Variants in HSPBAP1 observed in about 807,000 individuals in gnomAD.
HSPBAP1 encodes HSPB1-associated protein 1.
In HSPBAP1, 27 loss-of-function variants were observed where a neutral mutation model predicts 45.2. The observed-to-expected ratio is 0.60, with a 90% CI of 0.44 to 0.82. The LOEUF (loss-of-function observed/expected upper bound fraction) is 0.82. HSPBAP1 is among the 40% of genes least tolerant of loss of function. The pLI, the probability that HSPBAP1 is intolerant of heterozygous loss-of-function variation, is 0.00. For missense variants in HSPBAP1, 510 were observed against 590.9 expected (o/e 0.86, Z 1.42); for synonymous variants, 204 against 202.7 (o/e 1.01, Z -0.06).
At chr3:122,762,925 T>G (rs1934650642) in intron 3 of HSPBAP1, among the ~76,000 whole-genome samples, 1 of 152,212 alleles carries the variant, frequency 6.6e-6, no homozygotes, top group Non-Finnish European at 1.5e-5. Flanking sequence ...TTTCTGTATA[T>G]TTGTTTTACC....
At chr3:122,760,889 G>A (rs1934559248) in intron 3 of HSPBAP1, among the ~76,000 whole-genome samples, 1 of 152,176 alleles carries the variant, frequency 6.6e-6, no homozygotes, top group African/African-American at 2.4e-5. Context: ...TACCATATAC[G>A]TGGTATGATG....
At chr3:122,766,191 T>G (rs1009820621) in intron 3 of HSPBAP1, among the ~76,000 whole-genome samples, 1 of 152,236 alleles carries the variant, frequency 6.6e-6, no homozygotes, top group African/African-American at 2.4e-5. Context: ...AATATTATTA[T>G]GTTAACGTAT....
chr3:122,741,873 T>A (rs557115985), intron 6 of HSPBAP1: 4 of 152,228 alleles, frequency 2.6e-5, no homozygotes, highest in Admixed American at 2.6e-4. Context: ...AGGGGCCTGA[T>A]AGTTCCAAGT....
Position 122,752,580 on chromosome 3 carries a change from CG to C in HSPBAP1, c.825+10del. ...TTACTTAAAAAAAAAAAAAAAACAA[CG>C]AAAAAGTACCAGTTCAATCCATGAG... On this transcript the variant is annotated intron_variant, in intron 6 of 7. Coordinates refer to ENST00000306103, the MANE Select transcript of HSPBAP1 (RefSeq NM_024610.6). 7.0e-7 allele frequency: 1 copy of C among 1,425,986 alleles called. No individual in the cohort carries two copies. Among genetic ancestry groups the C allele is most frequent in the East Asian group, 2.6e-5 (1 of 37,794 alleles). 88.3% of individuals were successfully genotyped at this position (1,425,986 alleles called of 1,614,324 possible). A position where few individuals can be genotyped will look rare whatever the true frequency, so the allele number is the denominator to read the frequency against.
At chr3:122,791,946 A>G (rs1192002939) in intron 1 of HSPBAP1, among the ~76,000 whole-genome samples, 2 of 152,216 alleles carry the variant, frequency 1.3e-5, no homozygotes, top group Non-Finnish European at 2.9e-5. Flanking sequence ...ACAGAGACAC[A>G]AGTCAGTCAG....
chr3:122,792,617 C>T (rs1388506007), intron 1 of HSPBAP1, among the ~76,000 whole-genome samples: 1 of 152,100 alleles, frequency 6.6e-6, no homozygotes, highest in Non-Finnish European at 1.5e-5. Context: ...GAGTTTGTCA[C>T]CATCTCATCC....
At chr3:122,776,198 T>G (rs1221876360) in intron 2 of HSPBAP1, among the ~76,000 whole-genome samples, 1 of 152,232 alleles carries the variant, frequency 6.6e-6, no homozygotes, top group Admixed American at 6.5e-5. Context: ...TAGTGATGAT[T>G]GTACAATATT....
At chr3:122,785,998 T>C (rs1051922575) in intron 1 of HSPBAP1, among the ~76,000 whole-genome samples, 2 of 152,112 alleles carry the variant, frequency 1.3e-5, no homozygotes, top group Non-Finnish European at 2.9e-5. Flanking sequence ...GCAGACATGA[T>C]GATTAGCCCT....
chr3:122,752,570 A>AG, intron 6 of HSPBAP1, 21 bp downstream of exon 6: 2 of 1,500,070 alleles, frequency 1.3e-6, no homozygotes, highest in Non-Finnish European at 1.8e-6. Flanking sequence ...TAAAAAAAAA[A>AG]AAAAAACAAC....
At chr3:122,771,787 A>G (rs1266018699) in intron 2 of HSPBAP1, among the ~76,000 whole-genome samples, 1 of 152,242 alleles carries the variant, frequency 6.6e-6, no homozygotes, top group Non-Finnish European at 1.5e-5. Context: ...GGAACACATG[A>G]TATTCAAAAA....
intron 1 of HSPBAP1, among the ~76,000 whole-genome samples, chr3:122,791,747 G>A (rs1374931569): frequency 1.3e-5 from 2 of 152,192 alleles, no homozygotes; most frequent in African/African-American, 4.8e-5. Context: ...CAAAGGGGAG[G>A]TGAGTGACAA....
At chr3:122,759,092 T>G (rs1934461438) in intron 4 of HSPBAP1, 132 bp downstream of exon 4, 2 of 1,339,214 alleles carry the variant, frequency 1.5e-6, no homozygotes, top group South Asian at 2.9e-5. Flanking sequence ...GCCCTAATCA[T>G]GAGGCAGGCT....
chr3:122,747,945 G>A (rs929386758), intron 6 of HSPBAP1, among the ~76,000 whole-genome samples: 4 of 152,228 alleles, frequency 2.6e-5, no homozygotes, highest in African/African-American at 9.6e-5. Context: ...AGAAAGGGGG[G>A]AACGGTGGGG....
At chr3:122,773,303 G>GTTTT (rs36065763) in intron 2 of HSPBAP1, among the ~76,000 whole-genome samples, 4 of 84,424 alleles carry the variant, frequency 4.7e-5, no homozygotes, top group East Asian at 3.5e-4. Flanking sequence ...AAATAAATGT[G>GTTTT]TTTTTTTTTT....
At chr3:122,746,940 C>A (rs1027831247) in intron 6 of HSPBAP1, among the ~76,000 whole-genome samples, 1 of 152,012 alleles carries the variant, frequency 6.6e-6, no homozygotes, top group African/African-American at 2.4e-5. Context: ...CAGACGGAGT[C>A]TCGTTCACTC....
intron 6 of HSPBAP1, among the ~76,000 whole-genome samples, chr3:122,746,373 G>T (rs1933853332): frequency 1.4e-5 from 2 of 140,906 alleles, no homozygotes; most frequent in South Asian, 4.5e-4. Context: ...AGAATAGCCA[G>T]AAAAACCCTG....
rs1160019144 is a variant in HSPBAP1 at position 122,759,210 on chromosome 3, C to CACAT, written c.569+13_569+14insATGT. 6.2e-7 allele frequency: 1 copy of CACAT among 1,608,162 alleles called. No individual in the cohort carries two copies. The highest frequency in any genetic ancestry group is 2.2e-5 in the East Asian group (1 of 44,536). ...CCACACACACACACACACACACACA[C>CACAT]ACACACACATTACCTTCCTTGTACC... On this transcript the variant is annotated intron_variant, in intron 4 of 7. Transcript: ENST00000306103.
intron 2 of HSPBAP1, among the ~76,000 whole-genome samples, chr3:122,769,237 T>A (rs1190918377): frequency 6.6e-6 from 1 of 152,198 alleles, no homozygotes; most frequent in African/African-American, 2.4e-5. Context: ...TAAAGCAGTT[T>A]TAACCTTAAG....
intron 1 of HSPBAP1, among the ~76,000 whole-genome samples, chr3:122,790,692 A>C (rs1935798539): frequency 6.6e-6 from 1 of 152,234 alleles, no homozygotes; most frequent in Non-Finnish European, 1.5e-5. Flanking sequence ...CTCAAAAATG[A>C]ACTTTTCAGC....
Sources: allele counts gnomAD v4.1 joint callset (sites outside exome capture counted in the v4.1 genomes callset), GRCh38; gene constraint gnomAD v4.1.1; transcripts MANE v1.5; gene names NCBI Gene and HGNC (gene_info 2026-07-23, HGNC 2026-07-21).